The following ZNF592 variants were observed in gnomAD, a reference collection of about 807,000 sequenced individuals.
ZNF592 encodes the protein zinc finger protein 592, also known as spinocerebellar ataxia, autosomal recessive 5.
ZNF592 carries 11 observed loss-of-function variants against 80.3 expected under a neutral mutation model. The ratio of observed to expected loss-of-function variants is 0.14; its 90% CI spans 0.09 to 0.23. The LOEUF is 0.23. ZNF592 is among the 10% of genes least tolerant of loss of function. The pLI is 1.00. For synonymous variants in ZNF592, 646 were observed against 640.3 expected, an observed-to-expected ratio of 1.01 and a Z score of -0.13; for missense variants, 1,420 against 1,633.9, an observed-to-expected ratio of 0.87 and a Z score of 2.26.
At position 84,751,595 on chromosome 15, in the gene ZNF592, C is replaced by CT. The variant is rs779955467; in HGVS notation, c.-259+2946dup. ...TTTATTATTTTAAAAATTTTTATTA[C>CT]TTTTTTTTTTTTTTTAAACTGGAGA... On this transcript the variant is annotated intron_variant, in intron 1 of 10. Coordinates refer to ENST00000560079, the MANE Select transcript of ZNF592 (RefSeq NM_014630.3). Among the ~76,000 whole-genome samples the CT allele has an allele frequency of 9.5e-3, 1,373 of 143,796 alleles. 19 individuals carry two copies. Among genetic ancestry groups the CT allele is most frequent in the Middle Eastern group, 0.022 (6 of 276 alleles). 94.3% of individuals were successfully genotyped at this position (143,796 alleles called of 152,430 possible).
intron 1 of ZNF592, among the ~76,000 whole-genome samples, chr15:84,754,666 C>G (rs1273044504): frequency 1.4e-5 from 2 of 147,838 alleles, no homozygotes; most frequent in African/African-American, 5.0e-5. Flanking sequence ...CCCAGGAGTT[C>G]GAGACCAGCC....
chr15:84,798,506 G>A lies in ZNF592; in HGVS notation c.2736+32G>A. 1 of 1,613,854 alleles carries A rather than the reference G, an allele frequency of 6.2e-7. No individual in the cohort carries two copies. Among genetic ancestry groups the A allele is most frequent in the Non-Finnish European group, 8.5e-7 (1 of 1,179,850 alleles). On this transcript the variant is annotated intron_variant, in intron 7 of 10. Transcript: ENST00000560079. This position sits in a 1 kb window ranked among gnomAD's most constrained non-coding sequence, Gnocchi z 4.5. ...TGCCTTGCGGGAGGAGGCCGGGGAGGAGGGCACATGCCTCAGGCTGGGGGT... is the reference window on the plus strand; with the variant it reads ...TGCCTTGCGGGAGGAGGCCGGGGAGAAGGGCACATGCCTCAGGCTGGGGGT...
chr15:84,795,330 TAAA>T (rs1962865946), intron 5 of ZNF592, among the ~76,000 whole-genome samples: 3 of 152,230 alleles, frequency 2.0e-5, no homozygotes, highest in Admixed American at 2.0e-4. Context: ...TATCTCGTCT[TAAA>T]AAACTGTGGT....
chr15:84,781,942 G>C (rs183335357), intron 3 of ZNF592, among the ~76,000 whole-genome samples: 1 of 152,240 alleles, frequency 6.6e-6, no homozygotes, highest in Admixed American at 6.5e-5. Flanking sequence ...TAGAATTTAG[G>C]CTTCCCCCAA....
chr15:84,797,810 C>A (rs1182526558), intron 5 of ZNF592, 59 bp from the exon 6 acceptor site: 3 of 1,594,620 alleles, frequency 1.9e-6, no homozygotes, highest in East Asian at 2.2e-5. Context: ...GCAGCACCAC[C>A]TCTGGGTCCA....
intron 4 of ZNF592, among the ~76,000 whole-genome samples, chr15:84,788,635 T>C (rs1342298590): frequency 6.6e-6 from 1 of 152,218 alleles, no homozygotes; most frequent in East Asian, 1.9e-4. Context: ...AGTGTTAATG[T>C]TAAGTATATT....
In ZNF592 at chr15:84,792,539, C is replaced by T. The variant is rs1018053558; in HGVS notation, c.2399+1656C>T. Reference sequence around the variant, plus strand: ...GATCGTGGCTCACTGCAGCCTTGACCTCCCGAGCTCAGGTGATCCTCCCAT... The same window carrying T: ...GATCGTGGCTCACTGCAGCCTTGACTTCCCGAGCTCAGGTGATCCTCCCAT... On this transcript the variant is annotated intron_variant, in intron 5 of 10. Transcript: ENST00000560079. Among the ~76,000 whole-genome samples, 3 of 152,180 alleles carry T rather than the reference C, an allele frequency of 2.0e-5. No individual in the cohort carries two copies. In the East Asian group the frequency reaches 5.8e-4, roughly 29 times the overall value.
At chr15:84,752,422 G>A (rs1899040353) in intron 1 of ZNF592, among the ~76,000 whole-genome samples, 1 of 152,148 alleles carries the variant, frequency 6.6e-6, no homozygotes, top group African/African-American at 2.4e-5. Flanking sequence ...GAAATCCCTG[G>A]GTAAATAGGC....
chr15:84,786,552 C>T (rs1341037347), intron 4 of ZNF592, among the ~76,000 whole-genome samples: 2 of 152,136 alleles, frequency 1.3e-5, no homozygotes, highest in African/African-American at 2.4e-5. Flanking sequence ...GCCTGTAGGG[C>T]TTCTGCAGAG....
chr15:84,797,342 G>GT (rs1342855674), intron 5 of ZNF592, among the ~76,000 whole-genome samples: 2 of 152,056 alleles, frequency 1.3e-5, no homozygotes, highest in Non-Finnish European at 2.9e-5. Context: ...GGCTTTAAGG[G>GT]TTTTTTTAAT....
At chr15:84,759,427 A>G (rs907661645) in intron 1 of ZNF592, among the ~76,000 whole-genome samples, 1 of 152,082 alleles carries the variant, frequency 6.6e-6, no homozygotes, top group Non-Finnish European at 1.5e-5. Flanking sequence ...ATCTTTCATT[A>G]CTTGTCTCCC....
At position 84,783,330 on chromosome 15, in the gene ZNF592, G is replaced by A. The variant is rs895123265; in HGVS notation, c.655G>A (p.Glu219Lys). Residue 219 changes from glutamate (E) to lysine (K), a missense_variant, in exon 4 of 11, where the codon GAG becomes AAG. Physicochemically the swap from Glu to Lys is moderately conservative, Grantham distance 56. Around this residue, in one of 7 missense-constraint regions of ZNF592, gnomAD observed 373 missense variants for 355.5 expected, o/e 1.05. Transcript: ENST00000560079. This position sits in a 1 kb window ranked among gnomAD's most constrained non-coding sequence, Gnocchi z 5.0. ...PLPLGSQQEH[E>K]QSGQNTVEPH... is the part of the protein sequence containing the mutation. ...GCCCTTGGGGAGCCAGCAGGAACACGAGCAAAGTGGGCAGAACACAGTGGA... is the reference window on the plus strand; with the variant it reads ...GCCCTTGGGGAGCCAGCAGGAACACAAGCAAAGTGGGCAGAACACAGTGGA... 3.7e-6 allele frequency: 6 copies of A among 1,614,224 alleles called. No individual in the cohort carries two copies. Among genetic ancestry groups the A allele is most frequent in the South Asian group, 1.1e-5 (1 of 91,078 alleles).
chr15:84,767,724 A>C (rs1452955437), intron 2 of ZNF592, among the ~76,000 whole-genome samples: 1 of 151,788 alleles, frequency 6.6e-6, no homozygotes, highest in African/African-American at 2.4e-5. Context: ...AGCTCCCTCC[A>C]GTTCTGTCTT....
At chr15:84,800,679 T>G (rs556998009) in intron 10 of ZNF592, among the ~76,000 whole-genome samples, 5 of 152,344 alleles carry the variant, frequency 3.3e-5, no homozygotes, top group Admixed American at 1.3e-4. Flanking sequence ...GGGTATCGAT[T>G]GATGTTTTTG....
chr15:84,753,044 T>C (rs1271305338), intron 1 of ZNF592: 2 of 152,210 alleles, frequency 1.3e-5, no homozygotes, highest in Admixed American at 6.5e-5. Flanking sequence ...AACGAACCCT[T>C]TCTGTTAACA....
At chr15:84,796,916 A>T (rs924540699) in intron 5 of ZNF592, among the ~76,000 whole-genome samples, 53 of 152,002 alleles carry the variant, frequency 3.5e-4, no homozygotes, top group Non-Finnish European at 6.5e-4. Context: ...TTTTATTTTT[A>T]TTTTTTTGTT....
chr15:84,786,755 C>G (rs1962594827), intron 4 of ZNF592, among the ~76,000 whole-genome samples: 1 of 151,196 alleles, frequency 6.6e-6, no homozygotes, highest in South Asian at 2.1e-4. Flanking sequence ...TTTACTTTAT[C>G]TGAGTCAAGG....
At chr15:84,763,998 C>T (rs1292503080) in intron 1 of ZNF592, among the ~76,000 whole-genome samples, 3 of 152,136 alleles carry the variant, frequency 2.0e-5, no homozygotes, top group South Asian at 4.1e-4. Context: ...AGAGTTCTGC[C>T]GACTTTCCTC....
chr15:84,778,733 C>T (rs532197742), intron 3 of ZNF592, among the ~76,000 whole-genome samples: 2 of 152,310 alleles, frequency 1.3e-5, no homozygotes, highest in South Asian at 2.1e-4. Context: ...TGGGCGATGA[C>T]TCTTTCTGGC....
Sources: gnomAD v4.1 joint callset for allele counts (sites outside exome capture counted in the v4.1 genomes callset) on GRCh38, gnomAD v4.1.1 for gene constraint, gnomAD v4.1.1 regional missense constraint, Gnocchi (gnomAD v3.1) non-coding constraint, MANE v1.5 for transcripts, NCBI Gene and HGNC (gene_info 2026-07-23, HGNC 2026-07-21) for gene names.